Variants in CNTNAP2 observed in about 807,000 individuals in gnomAD.
CNTNAP2 encodes contactin-associated protein-like 2.
In CNTNAP2, 98 loss-of-function variants were observed where a neutral mutation model predicts 155.2. That is an observed-to-expected ratio of 0.63 (90% CI 0.54 to 0.75). The LOEUF (loss-of-function observed/expected upper bound fraction) is 0.75. CNTNAP2 is among the 30% of genes least tolerant of loss of function. The probability of loss-of-function intolerance (pLI) is 0.00; values close to 1 mark genes in which losing one functional copy is unlikely to be tolerated. For synonymous variants in CNTNAP2, 651 were observed against 631.2 expected, an observed-to-expected ratio of 1.03 and a Z score of -0.47; for missense variants, 1,727 against 1,688.1, an observed-to-expected ratio of 1.02 and a Z score of -0.40.
intron 1 of CNTNAP2, among the ~76,000 whole-genome samples, chr7:146,207,635 GTGT>G (rs1562990173): frequency 1.2e-4 from 12 of 98,594 alleles, no homozygotes; most frequent in Non-Finnish European, 1.9e-4. Context: ...GAACAGGACT[GTGT>G]TTTTTTTTTT....
intron 1 of CNTNAP2, among the ~76,000 whole-genome samples, chr7:146,275,124 G>A (rs996682548): frequency 6.6e-6 from 1 of 152,072 alleles, no homozygotes; most frequent in Non-Finnish European, 1.5e-5. Context: ...TTCAAACATC[G>A]GATACAAGTG....
In CNTNAP2 at chr7:147,329,487, G is replaced by A. The variant is rs1043854179; in HGVS notation, c.1498+29197G>A. Among the ~76,000 whole-genome samples, 7 of 152,072 alleles carry A rather than the reference G, an allele frequency of 4.6e-5. No individual in the cohort carries two copies. The South Asian group carries it at 1.4e-3, about 31-fold the overall frequency. ...CTCCAAGGCTGCTTTATTTTAAGAAGACTTACTGAATGTTGTAAGCAGCTA... is the reference window on the plus strand; with the variant it reads ...CTCCAAGGCTGCTTTATTTTAAGAAAACTTACTGAATGTTGTAAGCAGCTA... On this transcript the variant is annotated intron_variant, in intron 9 of 23. Coordinates refer to ENST00000361727, the MANE Select transcript of CNTNAP2 (RefSeq NM_014141.6).
At chr7:146,930,939 G>T (rs2129222847) in intron 3 of CNTNAP2, among the ~76,000 whole-genome samples, 1 of 152,242 alleles carries the variant, frequency 6.6e-6, no homozygotes, top group Non-Finnish European at 1.5e-5. Flanking sequence ...CATAAAGCAA[G>T]TCCTGAGTGA....
intron 1 of CNTNAP2, among the ~76,000 whole-genome samples, chr7:146,572,994 G>C (rs140230966): frequency 0.011 from 1,699 of 151,802 alleles, 16 homozygotes; most frequent in Non-Finnish European, 0.019. Context: ...ATGAATGATG[G>C]AGGAGCACCC....
Position 146,426,980 on chromosome 7 carries a change from A to G in CNTNAP2, c.97+310007A>G, listed in dbSNP as rs147497470. Among the ~76,000 whole-genome samples, 212 of 152,274 alleles carry G rather than the reference A, an allele frequency of 1.4e-3. 4 individuals carry two copies. In the East Asian group the frequency reaches 0.033, roughly 24 times the overall value. On this transcript the variant is annotated intron_variant, in intron 1 of 23. Transcript: ENST00000361727. The stretch of plus-strand genomic sequence containing the variant: ...GTCATGCTGTACACCATAAATATAT[A>G]CAATTTTACTTGTCAATGAAAAAAA...
At chr7:146,148,724 A>T (rs1215394845) in intron 1 of CNTNAP2, among the ~76,000 whole-genome samples, 1 of 152,210 alleles carries the variant, frequency 6.6e-6, no homozygotes, top group Non-Finnish European at 1.5e-5. Context: ...ATCACAAAAT[A>T]GTAATGTATA....
chr7:146,761,122 G>A (rs1003877544), intron 1 of CNTNAP2, among the ~76,000 whole-genome samples: 8 of 152,106 alleles, frequency 5.3e-5, no homozygotes, highest in Non-Finnish European at 1.0e-4. Context: ...CATCCACTGT[G>A]CATTCATTCT....
At chr7:146,730,613 C>T (rs776783673) in intron 1 of CNTNAP2, among the ~76,000 whole-genome samples, 10 of 152,002 alleles carry the variant, frequency 6.6e-5, no homozygotes, top group Admixed American at 3.3e-4. Context: ...AAATATGCCC[C>T]ATCCTTTCCT....
chr7:146,339,890 G>T (rs1275469507), intron 1 of CNTNAP2, among the ~76,000 whole-genome samples: 2 of 152,130 alleles, frequency 1.3e-5, no homozygotes, highest in Non-Finnish European at 2.9e-5. Flanking sequence ...ATGAAATACA[G>T]CGGGGCATGG....
chr7:147,682,694 G>GATC (rs201408152), intron 13 of CNTNAP2, among the ~76,000 whole-genome samples: 2,490 of 151,916 alleles, frequency 0.016, 223 homozygotes, highest in Admixed American at 0.15. Context: ...GAATATTGCT[G>GATC]ATCATCCAGG....
At chr7:148,366,910 T>C (rs1312181823) in intron 21 of CNTNAP2, among the ~76,000 whole-genome samples, 1 of 151,828 alleles carries the variant, frequency 6.6e-6, no homozygotes, top group Non-Finnish European at 1.5e-5. Flanking sequence ...GGCAAAACAA[T>C]ATTCCCAGCC....
chr7:147,622,160 G>C (rs1364892292), intron 12 of CNTNAP2, among the ~76,000 whole-genome samples: 2 of 151,960 alleles, frequency 1.3e-5, no homozygotes, highest in Non-Finnish European at 2.9e-5. Flanking sequence ...GAGCTAAAGA[G>C]AGAGATGGGC....
intron 12 of CNTNAP2, among the ~76,000 whole-genome samples, chr7:147,620,519 CATATA>C (rs1351323817): frequency 6.7e-6 from 1 of 149,326 alleles, no homozygotes; most frequent in Non-Finnish European, 1.5e-5. Context: ...ACTAATATAT[CATATA>C]ATTATATATT....
At chr7:147,079,825 CCCA>C (rs1476983866) in intron 4 of CNTNAP2, among the ~76,000 whole-genome samples, 1 of 151,814 alleles carries the variant, frequency 6.6e-6, no homozygotes, top group Non-Finnish European at 1.5e-5. Flanking sequence ...GTTGAGAATC[CCCA>C]CGTGTTTGTC....
intron 1 of CNTNAP2, among the ~76,000 whole-genome samples, chr7:146,516,334 A>G (rs1329744763): frequency 6.6e-6 from 1 of 152,098 alleles, no homozygotes; most frequent in Non-Finnish European, 1.5e-5. Context: ...ATTGGTACAC[A>G]CATTTACAGA....
intron 1 of CNTNAP2, among the ~76,000 whole-genome samples, chr7:146,444,937 A>G (rs1250556578): frequency 1.3e-5 from 2 of 151,924 alleles, no homozygotes; most frequent in African/African-American, 4.8e-5. Context: ...GATTACAGGC[A>G]TGAGCCACCC....
chr7:147,621,923 T>C (rs1004187930), intron 12 of CNTNAP2, among the ~76,000 whole-genome samples: 1 of 150,896 alleles, frequency 6.6e-6, no homozygotes, highest in African/African-American at 2.4e-5. Context: ...GACTGAAAAA[T>C]AAAGGGATGG....
intron 1 of CNTNAP2, among the ~76,000 whole-genome samples, chr7:146,704,446 A>G (rs1262481386): frequency 6.6e-6 from 1 of 152,138 alleles, no homozygotes; most frequent in African/African-American, 2.4e-5. Context: ...AATCTTAGAA[A>G]CCATCATTAG....
intron 21 of CNTNAP2, among the ~76,000 whole-genome samples, chr7:148,280,106 C>T (rs767506842): frequency 2.6e-5 from 4 of 151,720 alleles, no homozygotes; most frequent in East Asian, 1.9e-4. Context: ...GTCAGGAGTT[C>T]GAGACCAGCC....
Sources: gnomAD v4.1 joint callset for allele counts (sites outside exome capture counted in the v4.1 genomes callset) on GRCh38, gnomAD v4.1.1 for gene constraint, MANE v1.5 for transcripts, NCBI Gene and HGNC (gene_info 2026-07-23, HGNC 2026-07-21) for gene names.